The following ROCK2 variants were observed in gnomAD, a reference collection of about 807,000 sequenced individuals.
ROCK2 encodes rho-associated protein kinase 2.
A neutral mutation model predicts 195.1 loss-of-function variants in ROCK2; 61 were observed. That is an observed-to-expected ratio of 0.31 (90% CI 0.25 to 0.39). ROCK2 has a LOEUF of 0.39. Ranked by LOEUF, ROCK2 falls within the 10% of genes least tolerant of loss-of-function variation. ROCK2 has a pLI of 1.00. For missense variants in ROCK2, 1,109 were observed against 1,637.4 expected (o/e 0.68, Z 5.57); for synonymous variants, 504 against 545.5 (o/e 0.92, Z 1.06).
chr2:11,210,543 G>A (rs771266734), intron 18 of ROCK2, among the ~76,000 whole-genome samples: 3 of 152,108 alleles, frequency 2.0e-5, no homozygotes, highest in Non-Finnish European at 2.9e-5. Context: ...GTCTTGCTAT[G>A]TTGCCCATGC....
chr2:11,188,701 A>C (rs1036308448), intron 32 of ROCK2, among the ~76,000 whole-genome samples: 1 of 149,246 alleles, frequency 6.7e-6, no homozygotes, highest in Non-Finnish European at 1.5e-5. Context: ...TCGGCTCACT[A>C]CAAGCTCCGC....
At chr2:11,307,020 T>C (rs1210479592) in intron 1 of ROCK2, among the ~76,000 whole-genome samples, 4 of 152,230 alleles carry the variant, frequency 2.6e-5, no homozygotes, top group African/African-American at 4.8e-5. Context: ...AAAAGACATA[T>C]GTAACTGAGG....
At chr2:11,275,625 C>T (rs1442009692) in intron 3 of ROCK2, among the ~76,000 whole-genome samples, 1 of 150,530 alleles carries the variant, frequency 6.6e-6, no homozygotes, top group Non-Finnish European at 1.5e-5. Flanking sequence ...ACCACATTAA[C>T]AGAATAAAGG....
intron 3 of ROCK2, among the ~76,000 whole-genome samples, chr2:11,263,865 T>C (rs1666324028): frequency 6.7e-6 from 1 of 150,006 alleles, no homozygotes; most frequent in African/African-American, 2.5e-5. Flanking sequence ...AGATAGTACA[T>C]AAATATATTT....
intron 32 of ROCK2, among the ~76,000 whole-genome samples, chr2:11,188,650 G>A (rs1047124277): frequency 2.0e-5 from 3 of 150,782 alleles, no homozygotes; most frequent in African/African-American, 7.3e-5. Context: ...TTTTGAGACG[G>A]AGTCTCACTG....
chr2:11,252,391 A>G (rs1665862687), intron 3 of ROCK2, among the ~76,000 whole-genome samples: 1 of 122,442 alleles, frequency 8.2e-6, no homozygotes, highest in Admixed American at 7.6e-5. Context: ...AGCCTGGGTG[A>G]AAAAAAAAAA....
chr2:11,258,504 C>G (rs78666182), intron 3 of ROCK2, among the ~76,000 whole-genome samples: 3,814 of 151,324 alleles, frequency 0.025, 367 homozygotes, highest in African/African-American at 0.089. Flanking sequence ...ATCACCAAAA[C>G]TGTAGAATGT....
chr2:11,319,463 T>A (rs1668333632), intron 1 of ROCK2, among the ~76,000 whole-genome samples: 1 of 152,174 alleles, frequency 6.6e-6, no homozygotes, highest in Non-Finnish European at 1.5e-5. Context: ...ATCCTGAGAC[T>A]TTGCTGAAGT....
chr2:11,248,623 C>T (rs1057017346), intron 4 of ROCK2, among the ~76,000 whole-genome samples: 7 of 142,222 alleles, frequency 4.9e-5, no homozygotes, highest in Non-Finnish European at 1.1e-4. Flanking sequence ...GCAGGAGAAC[C>T]GCTTGAACCC....
intron 3 of ROCK2, among the ~76,000 whole-genome samples, chr2:11,268,550 GTGTGTGTC>G (rs1175890620): frequency 4.0e-4 from 60 of 151,538 alleles, no homozygotes; most frequent in African/African-American, 1.3e-3. Context: ...GTGTGTGTGT[GTGTGTGTC>G]TCTGCATTCA....
chr2:11,197,320 A>G lies in ROCK2; in HGVS notation c.3308T>C (p.Ile1103Thr). 3 of 1,613,626 alleles carry G rather than the reference A, an allele frequency of 1.9e-6. No homozygotes were observed. The highest frequency in any genetic ancestry group is 1.6e-4 in the Middle Eastern group (1 of 6,062). Residue 1103 changes from isoleucine to threonine, a missense_variant, in exon 27 of 33, where the codon ATT becomes ACT. Physicochemically the swap from Ile to Thr is moderately conservative, Grantham distance 89. Around this residue, in one of 6 missense-constraint regions of ROCK2, gnomAD observed 221 missense variants for 355.1 expected, o/e 0.62. Coordinates refer to ENST00000315872, the MANE Select transcript of ROCK2 (RefSeq NM_004850.5). This position sits in a 1 kb window ranked among gnomAD's most constrained non-coding sequence, Gnocchi z 4.9. ...ACTGTCCAATGTCATCTGCAGTTCA[A>G]TTCGAATCTGGCTCTCTTCAGCTAT... ...AQIAEESQIR[I>T]ELQMTLDSKD...
At chr2:11,308,200 GA>G in intron 1 of ROCK2, 1 of 1,565,748 alleles carries the variant, frequency 6.4e-7, no homozygotes. Context: ...ACAGAAGAAA[GA>G]AAACCACAGG....
intron 13 of ROCK2, 120 bp from the exon 14 acceptor site, chr2:11,215,765 G>A (rs1232628279): frequency 1.3e-6 from 1 of 753,842 alleles, no homozygotes; most frequent in East Asian, 2.8e-5. Flanking sequence ...CTGCTTTTTT[G>A]TTAAAACTGT....
rs1005561797 is a variant in ROCK2, at chr2:11,181,548, G to C, written c.*1889C>G. Reference sequence around the variant, plus strand: ...TTTCCACAATAGTATCTATTATGGGGATCTAACTTTTTAAATATCTCTAAC... The same window carrying C: ...TTTCCACAATAGTATCTATTATGGGCATCTAACTTTTTAAATATCTCTAAC... On this transcript the variant is annotated 3_prime_UTR_variant, in exon 33 of 33. Transcript: ENST00000315872. 6.6e-6 allele frequency: 1 copy of C among 151,404 alleles called. No homozygotes were observed. Among genetic ancestry groups the C allele is most frequent in the African/African-American group, 2.4e-5 (1 of 41,196 alleles). The allele number at this position is 151,404 out of a possible 1,614,324, so 9.4% of individuals were successfully genotyped here. A position where few individuals can be genotyped will look rare whatever the true frequency, so the allele number is the denominator to read the frequency against.
rs537574338 is a variant in ROCK2, at chr2:11,293,885, G to A, written c.142-6149C>T. Among the ~76,000 whole-genome samples, 13 of 152,224 alleles carry A rather than the reference G, an allele frequency of 8.5e-5. No homozygotes were observed. In the South Asian group the frequency reaches 1.0e-3, roughly 12 times the overall value. On this transcript the variant is annotated intron_variant, in intron 1 of 32. Coordinates refer to ENST00000315872, the MANE Select transcript of ROCK2 (RefSeq NM_004850.5). ...TTTTAAAAGAACGTACGGGCCAGGC[G>A]CGGTGGCTCACACCTGTAATCCCAG...
At chr2:11,186,955 G>A (rs774725690) in intron 32 of ROCK2, among the ~76,000 whole-genome samples, 13 of 152,030 alleles carry the variant, frequency 8.6e-5, no homozygotes, top group Non-Finnish European at 1.5e-4. Flanking sequence ...ACATAGTACT[G>A]TAATTGCCTG....
intron 4 of ROCK2, among the ~76,000 whole-genome samples, chr2:11,238,432 C>A (rs1384010552): frequency 6.6e-6 from 1 of 152,098 alleles, no homozygotes; most frequent in African/African-American, 2.4e-5. Context: ...AACCAACAAG[C>A]AGGTCCTAAA....
At chr2:11,308,102 C>A in intron 1 of ROCK2, 6 of 1,610,950 alleles carry the variant, frequency 3.7e-6, no homozygotes, top group African/African-American at 1.3e-5. Flanking sequence ...ACTCTTGGGG[C>A]CAGCTGGTGG....
chr2:11,308,412 C>T lies in ROCK2; in HGVS notation c.142-20676G>A, dbSNP rs1667930989. The T allele has an allele frequency of 3.0e-5, 48 of 1,601,886 alleles. No homozygotes were observed. In the South Asian group the frequency reaches 5.2e-4, roughly 17 times the overall value. On this transcript the variant is annotated intron_variant, in intron 1 of 32. Coordinates refer to ENST00000315872, the MANE Select transcript of ROCK2 (RefSeq NM_004850.5). ...CCTGGTGAAGAAGAGAATTTGGAAT[C>T]TGAAGAAGATGAAGAAGAGGGTGGT... is the stretch of plus-strand genomic sequence containing the variant.
Sources: gnomAD v4.1 joint callset for allele counts (sites outside exome capture counted in the v4.1 genomes callset) on GRCh38, gnomAD v4.1.1 for gene constraint, gnomAD v4.1.1 regional missense constraint, Gnocchi (gnomAD v3.1) non-coding constraint, MANE v1.5 for transcripts, NCBI Gene and HGNC (gene_info 2026-07-23, HGNC 2026-07-21) for gene names.